The following R3HDM1 variants were observed in gnomAD, a reference collection of about 807,000 sequenced individuals.
R3HDM1 encodes R3H domain containing 1.
In R3HDM1, 46 loss-of-function variants were observed where a neutral mutation model predicts 141.1. The ratio of observed to expected loss-of-function variants is 0.33; its 90% confidence interval spans 0.26 to 0.42. The LOEUF is 0.42. Among genes scored for constraint, R3HDM1 ranks in the 10% least tolerant of loss-of-function variants. The pLI is 1.00. For missense variants in R3HDM1, 1,184 were observed against 1,368.3 expected (o/e 0.87, Z 2.12); for synonymous variants, 435 against 472.9 (o/e 0.92, Z 1.04).
At chr2:135,688,617 C>A (rs1237381409) in intron 21 of R3HDM1, among the ~76,000 whole-genome samples, 1 of 152,080 alleles carries the variant, frequency 6.6e-6, no homozygotes, top group Non-Finnish European at 1.5e-5. Flanking sequence ...GGTAAACACT[C>A]CTCAAATAGT....
At chr2:135,583,031 C>T (rs539833986) in intron 1 of R3HDM1, among the ~76,000 whole-genome samples, 1 of 152,180 alleles carries the variant, frequency 6.6e-6, no homozygotes. Context: ...CTTTCTCTCT[C>T]TGTGTGTGTC....
At chr2:135,676,592 C>A (rs1250327604) in intron 20 of R3HDM1, among the ~76,000 whole-genome samples, 1 of 152,150 alleles carries the variant, frequency 6.6e-6, no homozygotes, top group Non-Finnish European at 1.5e-5. Context: ...GGGTGGATCA[C>A]TTGAGGTCAA....
At chr2:135,662,227 A>G (rs1285445736) in intron 19 of R3HDM1, among the ~76,000 whole-genome samples, 1 of 152,218 alleles carries the variant, frequency 6.6e-6, no homozygotes, top group Non-Finnish European at 1.5e-5. Context: ...CTCCCTGACT[A>G]TGTGAGTGTG....
chr2:135,654,900 GTGTT>G (rs1405341291), intron 18 of R3HDM1, among the ~76,000 whole-genome samples: 2 of 140,518 alleles, frequency 1.4e-5, no homozygotes, highest in Non-Finnish European at 3.0e-5. Context: ...GTGTGTGTGT[GTGTT>G]TGTCTTTTTG....
intron 26 of R3HDM1, among the ~76,000 whole-genome samples, chr2:135,723,016 T>G (rs1399475637): frequency 6.6e-6 from 1 of 152,198 alleles, no homozygotes; most frequent in Non-Finnish European, 1.5e-5. Context: ...TTCAGAAAAA[T>G]GTTTGAGATC....
rs149947184 is a variant in R3HDM1 at position 135,632,536 on chromosome 2, A to T, written c.698+535A>T. Among the ~76,000 whole-genome samples the T allele has an allele frequency of 2.8e-3, 427 of 152,142 alleles. 20 individuals are homozygous for T. The East Asian group carries it at 0.074, about 27-fold the overall frequency. On this transcript the variant is annotated intron_variant, in intron 9 of 26. Coordinates refer to ENST00000683871, the MANE Select transcript of R3HDM1 (RefSeq NM_001378107.1). ...TGGGCTATGTATGATTCTCCGGAGGAGCTTTTTGTTTTAAGAATTGATTGC... is the reference window on the plus strand; with the variant it reads ...TGGGCTATGTATGATTCTCCGGAGGTGCTTTTTGTTTTAAGAATTGATTGC...
chr2:135,598,544 GAA>G (rs1429787108), intron 1 of R3HDM1, among the ~76,000 whole-genome samples: 1 of 152,176 alleles, frequency 6.6e-6, no homozygotes. Flanking sequence ...GTAAGAGCCT[GAA>G]ATGGAGCACT....
chr2:135,717,214 T>C (rs1361453465), intron 24 of R3HDM1, among the ~76,000 whole-genome samples: 1 of 152,172 alleles, frequency 6.6e-6, no homozygotes, highest in Non-Finnish European at 1.5e-5. Context: ...CCAGGCATGG[T>C]GGCTCACGCC....
chr2:135,719,119 G>C (rs2076445352), intron 24 of R3HDM1, among the ~76,000 whole-genome samples: 1 of 152,062 alleles, frequency 6.6e-6, no homozygotes, highest in Non-Finnish European at 1.5e-5. Context: ...CTGCACTCCA[G>C]CCTGGGCGAC....
At chr2:135,621,457 G>T in intron 5 of R3HDM1, 37 bp from the exon 6 acceptor site, 1 of 1,279,258 alleles carries the variant, frequency 7.8e-7, no homozygotes, top group Non-Finnish European at 1.1e-6. Flanking sequence ...GAATTGTATT[G>T]TATTTTCATT....
intron 1 of R3HDM1, among the ~76,000 whole-genome samples, chr2:135,543,473 A>G (rs750190234): frequency 3.1e-4 from 45 of 143,304 alleles, no homozygotes; most frequent in African/African-American, 1.1e-3. Flanking sequence ...TTATTATTCT[A>G]TATAGTTTAG....
At chr2:135,646,705 C>T (rs1176895726) in intron 16 of R3HDM1, among the ~76,000 whole-genome samples, 2 of 151,210 alleles carry the variant, frequency 1.3e-5, no homozygotes, top group African/African-American at 2.4e-5. Flanking sequence ...AAAAATTAGT[C>T]GGGTGTGGTG....
chr2:135,694,752 T>C (rs642242), intron 21 of R3HDM1, among the ~76,000 whole-genome samples: 4,456 of 152,212 alleles, frequency 0.029, 201 homozygotes, highest in African/African-American at 0.092. Context: ...GGCAGAATAC[T>C]GAAGAGAAGA....
Position 135,638,997 on chromosome 2 carries a change from C to A in R3HDM1, c.1094C>A (p.Ser365Ter). ...CCACGACCCTGGAGCAGCACAGATT[C>A]AGACAGCTCTCTTCGAAACCTGAAA... ...SEPRPWSSTD[S>*]DSSLRNLKPA... The change falls in exon 14 of 27, where the codon TCA becomes TAA. Residue 365 changes from serine (S) to a stop codon, truncating the protein, a stop_gained. Coordinates refer to ENST00000683871, the MANE Select transcript of R3HDM1 (RefSeq NM_001378107.1). LOFTEE classifies it high-confidence loss of function. 1 of 1,614,166 alleles carries A rather than the reference C, an allele frequency of 6.2e-7. No homozygotes were observed. The highest frequency in any genetic ancestry group is 1.1e-5 in the South Asian group (1 of 91,080).
chr2:135,537,277 CTTTTTTTTTT>C (rs1036767352), intron 1 of R3HDM1, among the ~76,000 whole-genome samples: 6 of 84,456 alleles, frequency 7.1e-5, no homozygotes, highest in African/African-American at 2.2e-4. Flanking sequence ...ATTAGTCTGT[CTTTTTTTTTT>C]TTTTTTTTTT....
chr2:135,565,229 G>A (rs778119274), intron 1 of R3HDM1, among the ~76,000 whole-genome samples: 9 of 151,768 alleles, frequency 5.9e-5, no homozygotes, highest in Non-Finnish European at 1.2e-4. Flanking sequence ...CAAAGAGTTT[G>A]GACCATTTTT....
At chr2:135,660,476 A>G (rs1395704102) in intron 18 of R3HDM1, among the ~76,000 whole-genome samples, 1 of 152,216 alleles carries the variant, frequency 6.6e-6, no homozygotes, top group Non-Finnish European at 1.5e-5. Context: ...CTGACATGAC[A>G]TGATGCTTTT....
At chr2:135,603,376 G>A (rs1421169060) in intron 2 of R3HDM1, among the ~76,000 whole-genome samples, 1 of 151,896 alleles carries the variant, frequency 6.6e-6, no homozygotes, top group African/African-American at 2.4e-5. Context: ...AAGTTTCACT[G>A]GTTTCCCCCC....
At chr2:135,651,077 A>G (rs979794621) in intron 17 of R3HDM1, 27 of 985,270 alleles carry the variant, frequency 2.7e-5, no homozygotes, top group Middle Eastern at 5.2e-4. Flanking sequence ...GTAGGGCACC[A>G]TTTAGTAAAA....
Sources: gnomAD v4.1 joint callset for allele counts (sites outside exome capture counted in the v4.1 genomes callset) on GRCh38, gnomAD v4.1.1 for gene constraint, MANE v1.5 for transcripts, NCBI Gene and HGNC (gene_info 2026-07-23, HGNC 2026-07-21) for gene names.